The following LMBR1 variants were observed in gnomAD, a reference collection of about 807,000 sequenced individuals.
The protein encoded by LMBR1 is limb region 1 protein homolog.
A neutral mutation model predicts 73.9 loss-of-function variants in LMBR1; 52 were observed. The observed-to-expected ratio is 0.70, with a 90% CI of 0.56 to 0.89. The LOEUF (loss-of-function observed/expected upper bound fraction) is 0.89, where lower values mean the gene tolerates loss of function less well. Ranked by LOEUF, LMBR1 falls within the 40% of genes least tolerant of loss-of-function variation. The probability of loss-of-function intolerance (pLI) is 0.00; values close to 1 mark genes in which losing one functional copy is unlikely to be tolerated. For missense variants in LMBR1, 539 were observed against 579.8 expected, an observed-to-expected ratio of 0.93 and a Z score of 0.72; for synonymous variants, 215 against 209.4, an observed-to-expected ratio of 1.03 and a Z score of -0.23.
intron 9 of LMBR1, among the ~76,000 whole-genome samples, chr7:156,741,427 T>C (rs931462234): frequency 6.6e-6 from 1 of 152,052 alleles, no homozygotes; most frequent in Non-Finnish European, 1.5e-5. Context: ...CCTATACAGA[T>C]ACGAATAGAT....
chr7:156,733,637 G>A (rs1817292866), intron 10 of LMBR1, among the ~76,000 whole-genome samples: 1 of 152,018 alleles, frequency 6.6e-6, no homozygotes, highest in African/African-American at 2.4e-5. Context: ...AAAAATAAAG[G>A]AACATCCTTC....
intron 4 of LMBR1, among the ~76,000 whole-genome samples, chr7:156,807,260 C>T (rs1378087320): frequency 1.3e-5 from 2 of 152,146 alleles, no homozygotes; most frequent in African/African-American, 4.8e-5. Flanking sequence ...AGGAAATGTT[C>T]CCACATCTTC....
intron 15 of LMBR1, among the ~76,000 whole-genome samples, chr7:156,717,256 C>T (rs932820557): frequency 6.6e-6 from 1 of 152,176 alleles, no homozygotes; most frequent in Non-Finnish European, 1.5e-5. Context: ...CTGGTTTGAC[C>T]ACTTGGATAG....
chr7:156,842,915 T>A (rs888435810), intron 1 of LMBR1, among the ~76,000 whole-genome samples: 2 of 152,134 alleles, frequency 1.3e-5, no homozygotes, highest in Non-Finnish European at 2.9e-5. Flanking sequence ...TCTCCTCCCC[T>A]TTCCAGCCAA....
chr7:156,690,965 TAAG>T (rs1438755252), intron 15 of LMBR1, among the ~76,000 whole-genome samples: 2 of 152,016 alleles, frequency 1.3e-5, no homozygotes, highest in Non-Finnish European at 2.9e-5. Flanking sequence ...CACCAACAAT[TAAG>T]AAAAAATGGC....
intron 1 of LMBR1, among the ~76,000 whole-genome samples, chr7:156,854,261 G>A (rs557047801): frequency 1.1e-3 from 172 of 152,318 alleles, no homozygotes; most frequent in Non-Finnish European, 1.9e-3. Flanking sequence ...GCTAGAGCCA[G>A]CACTGGTAAA....
chr7:156,851,227 G>C (rs182422482), intron 1 of LMBR1, among the ~76,000 whole-genome samples: 1 of 152,188 alleles, frequency 6.6e-6, no homozygotes, highest in East Asian at 1.9e-4. Context: ...TCAAAACAGA[G>C]AAGTAAACAA....
At chr7:156,890,745 C>T (rs1005805335) in intron 1 of LMBR1, among the ~76,000 whole-genome samples, 1 of 152,086 alleles carries the variant, frequency 6.6e-6, no homozygotes, top group Non-Finnish European at 1.5e-5. Flanking sequence ...TCAGTACTGG[C>T]GGAAGTGTAC....
At chr7:156,722,201 G>A (rs762823634) in intron 15 of LMBR1, among the ~76,000 whole-genome samples, 4 of 152,062 alleles carry the variant, frequency 2.6e-5, no homozygotes, top group African/African-American at 4.8e-5. Context: ...AGGAGCAAAG[G>A]AGACCACACT....
intron 9 of LMBR1, among the ~76,000 whole-genome samples, chr7:156,743,186 T>G (rs1257297186): frequency 1.3e-5 from 2 of 152,260 alleles, no homozygotes; most frequent in South Asian, 2.1e-4. Flanking sequence ...GGTGCCACTT[T>G]TTGGGACTTT....
In LMBR1 at chr7:156,753,980, T is replaced by C. The variant is rs370626094; in HGVS notation, c.757+2413A>G. Among the ~76,000 whole-genome samples the C allele has an allele frequency of 3.3e-5, 5 of 152,322 alleles. No homozygotes were observed. The East Asian group carries it at 9.6e-4, about 29-fold the overall frequency. On this transcript the variant is annotated intron_variant, in intron 9 of 16. Transcript: ENST00000353442. Reference sequence around the variant, plus strand: ...TTCTTGTCCTTTTTTCTCTTCTTCTTCAGGCAACTAGCCTATGATCTCGAG... The same window carrying C: ...TTCTTGTCCTTTTTTCTCTTCTTCTCCAGGCAACTAGCCTATGATCTCGAG...
intron 1 of LMBR1, among the ~76,000 whole-genome samples, chr7:156,887,508 A>C (rs1319289136): frequency 2.0e-5 from 3 of 152,042 alleles, no homozygotes; most frequent in Admixed American, 2.0e-4. Flanking sequence ...ATTGTACAAA[A>C]AAATTAATTC....
At chr7:156,821,915 G>A (rs1180998029) in intron 4 of LMBR1, among the ~76,000 whole-genome samples, 1 of 152,154 alleles carries the variant, frequency 6.6e-6, no homozygotes, top group Non-Finnish European at 1.5e-5. Context: ...GACCCAATCT[G>A]CTAACTGTGA....
At chr7:156,760,771 T>C (rs1382595638) in intron 8 of LMBR1, among the ~76,000 whole-genome samples, 2 of 152,224 alleles carry the variant, frequency 1.3e-5, no homozygotes, top group African/African-American at 2.4e-5. Flanking sequence ...AAAAATATTA[T>C]GATTTTCAAA....
chr7:156,759,808 G>A (rs1166886210), intron 8 of LMBR1, among the ~76,000 whole-genome samples: 1 of 152,174 alleles, frequency 6.6e-6, no homozygotes, highest in East Asian at 1.9e-4. Context: ...GAGCACACCT[G>A]CACAGGGGAG....
At chr7:156,803,104 G>T (rs544376954) in intron 4 of LMBR1, among the ~76,000 whole-genome samples, 10,243 of 152,040 alleles carry the variant, frequency 0.067, 424 homozygotes, top group African/African-American at 0.11. Flanking sequence ...AGGACTTCAT[G>T]TCTAAAACAC....
At chr7:156,852,764 T>C (rs1796409350) in intron 1 of LMBR1, among the ~76,000 whole-genome samples, 1 of 152,302 alleles carries the variant, frequency 6.6e-6, no homozygotes, top group Admixed American at 6.5e-5. Context: ...ACAGAGATGC[T>C]GTTAAAATCC....
At chr7:156,863,592 A>G (rs1798032730) in intron 1 of LMBR1, among the ~76,000 whole-genome samples, 1 of 152,198 alleles carries the variant, frequency 6.6e-6, no homozygotes, top group South Asian at 2.1e-4. Flanking sequence ...TTTAGTAAAT[A>G]CTTCCAAACA....
intron 4 of LMBR1, among the ~76,000 whole-genome samples, chr7:156,804,178 CT>C (rs1372352669): frequency 2.0e-5 from 3 of 152,190 alleles, no homozygotes; most frequent in Non-Finnish European, 4.4e-5. Flanking sequence ...GATGGATTTT[CT>C]AGAACATTAT....
Sources: gnomAD v4.1 joint callset for allele counts (sites outside exome capture counted in the v4.1 genomes callset) on GRCh38, gnomAD v4.1.1 for gene constraint, MANE v1.5 for transcripts, NCBI Gene and HGNC (gene_info 2026-07-23, HGNC 2026-07-21) for gene names.